Variants in THSD7A observed in about 807,000 individuals in gnomAD.
THSD7A encodes the protein thrombospondin type-1 domain-containing protein 7A.
Under a neutral mutation model 231.3 loss-of-function variants are expected in THSD7A, and 96 were observed. That is an observed-to-expected ratio of 0.41 (90% CI 0.35 to 0.49). THSD7A has a LOEUF of 0.49. Ranked by LOEUF, THSD7A falls within the 20% of genes least tolerant of loss-of-function variation. The probability of loss-of-function intolerance (pLI) is 0.05; values close to 1 mark genes in which losing one functional copy is unlikely to be tolerated. For synonymous variants in THSD7A, 940 were observed against 743.3 expected (o/e 1.26, Z -4.30); for missense variants, 2,290 against 2,070.2 (o/e 1.11, Z -2.06).
At chr7:11,478,109 A>G (rs1487780937) in intron 7 of THSD7A, among the ~76,000 whole-genome samples, 7 of 152,050 alleles carry the variant, frequency 4.6e-5, no homozygotes, top group Non-Finnish European at 7.4e-5. Context: ...TATTTTGTCA[A>G]TTCCCTCTCA....
In THSD7A at chr7:11,541,916, G is replaced by A. The variant is rs981892417; in HGVS notation, c.1610-285C>T. On this transcript the variant is annotated intron_variant, in intron 5 of 27. Coordinates refer to ENST00000423059, the MANE Select transcript of THSD7A (RefSeq NM_015204.3). ...ATGTCATATAGTACCCATCTCCCTT[G>A]TAGGGCGTAGAGGAGTAGGGTGGGA... Among the ~76,000 whole-genome samples the A allele has an allele frequency of 1.6e-4, 23 of 143,994 alleles. 1 individual carries two copies. Among genetic ancestry groups the A allele is most frequent in the South Asian group, 2.3e-4 (1 of 4,334 alleles). The allele number at this position is 143,994 out of a possible 152,430, so 94.5% of individuals were successfully genotyped here.
At chr7:11,541,826 C>T (rs888705429) in intron 5 of THSD7A, among the ~76,000 whole-genome samples, 195 bp from the exon 6 acceptor site, 2 of 151,840 alleles carry the variant, frequency 1.3e-5, no homozygotes, top group African/African-American at 2.4e-5. Flanking sequence ...AGTGGATTAA[C>T]GAATGGAATG....
intron 1 of THSD7A, among the ~76,000 whole-genome samples, chr7:11,799,450 AC>A (rs1441085516): frequency 6.6e-6 from 1 of 152,224 alleles, no homozygotes; most frequent in Non-Finnish European, 1.5e-5. Flanking sequence ...TTACTTCAAA[AC>A]CACATTAGTA....
chr7:11,789,268 C>T (rs1245373844), intron 1 of THSD7A, among the ~76,000 whole-genome samples: 1 of 152,016 alleles, frequency 6.6e-6, no homozygotes, highest in Non-Finnish European at 1.5e-5. Flanking sequence ...GGCAATCAAC[C>T]TGTCATGTAG....
chr7:11,811,765 C>T (rs1784533442), intron 1 of THSD7A, among the ~76,000 whole-genome samples: 2 of 152,216 alleles, frequency 1.3e-5, no homozygotes, highest in South Asian at 2.1e-4. Flanking sequence ...AGCTTAGCTG[C>T]CTGTGGACAA....
At chr7:11,615,114 A>G (rs1038656115) in intron 2 of THSD7A, among the ~76,000 whole-genome samples, 1 of 152,150 alleles carries the variant, frequency 6.6e-6, no homozygotes, top group Non-Finnish European at 1.5e-5. Flanking sequence ...TGCAGACTAC[A>G]TATCTCTGGC....
In THSD7A at chr7:11,406,320, G is replaced by A. The variant is rs747390116; in HGVS notation, c.4217C>T (p.Ser1406Phe). The A allele has an allele frequency of 3.1e-6, 5 of 1,609,944 alleles. No homozygotes were observed. Among genetic ancestry groups the A allele is most frequent in the Middle Eastern group, 1.7e-4 (1 of 6,044 alleles). The change falls in exon 22 of 28, where the codon TCC (serine) becomes TTC (phenylalanine). Residue 1406 changes from serine (S) to phenylalanine (F), a missense_variant. Physicochemically the swap from Ser to Phe is radical, Grantham distance 155 (BLOSUM62 -2). Coordinates refer to ENST00000423059, the MANE Select transcript of THSD7A (RefSeq NM_015204.3). The surrounding 1 kb of genome is among the most constrained non-coding windows in gnomAD (Gnocchi z 4.7). ...GTTACCTGGGCAAGGCTGGCTGCAG[G>A]ATTCCTCCAGAACCATATTTTTATT... The part of the protein sequence containing the change: ...DGNKNMVLEE[S>F]CSQPCPGDCY...
intron 2 of THSD7A, among the ~76,000 whole-genome samples, chr7:11,605,624 A>G (rs1223769258): frequency 1.3e-5 from 2 of 152,176 alleles, no homozygotes; most frequent in African/African-American, 4.8e-5. Flanking sequence ...TAACATTTAC[A>G]CTTAATCTTC....
intron 6 of THSD7A, among the ~76,000 whole-genome samples, chr7:11,508,419 C>CA (rs1787649733): frequency 6.7e-6 from 1 of 150,310 alleles, no homozygotes; most frequent in East Asian, 2.0e-4. Flanking sequence ...AAAGGCAAAG[C>CA]AAAAACAAAA....
intron 1 of THSD7A, among the ~76,000 whole-genome samples, chr7:11,768,502 T>C (rs1400099174): frequency 6.6e-6 from 1 of 152,180 alleles, no homozygotes; most frequent in Admixed American, 6.5e-5. Context: ...AAAGCCTCTT[T>C]ACAGGTTTTT....
chr7:11,779,047 G>A (rs997835598), intron 1 of THSD7A, among the ~76,000 whole-genome samples: 7 of 151,912 alleles, frequency 4.6e-5, no homozygotes, highest in Admixed American at 1.3e-4. Flanking sequence ...GATTTCCTAG[G>A]TTAAGTCTCT....
At chr7:11,604,787 G>T (rs148864657) in intron 2 of THSD7A, among the ~76,000 whole-genome samples, 254 of 152,174 alleles carry the variant, frequency 1.7e-3, no homozygotes, top group South Asian at 3.3e-3. Context: ...GACTTGATGT[G>T]GATATATCCA....
At chr7:11,697,466 G>T (rs1263254838) in intron 1 of THSD7A, among the ~76,000 whole-genome samples, 2 of 151,216 alleles carry the variant, frequency 1.3e-5, no homozygotes, top group Non-Finnish European at 3.0e-5. Flanking sequence ...AATTTTATGT[G>T]CTACATAGTA....
rs538375896 is a variant in THSD7A, at chr7:11,386,313, A to G, written c.4412-3697T>C. Among the ~76,000 whole-genome samples, 5 of 152,332 alleles carry G rather than the reference A, an allele frequency of 3.3e-5. No homozygotes were observed. In the East Asian group the frequency reaches 9.6e-4, roughly 29 times the overall value. On this transcript the variant is annotated intron_variant, in intron 23 of 27. Coordinates refer to ENST00000423059, the MANE Select transcript of THSD7A (RefSeq NM_015204.3). ...CCACACTATCTTCCACAATGGTTGA[A>G]CTAATTGATACTTCCACCAACAGTG... is the stretch of plus-strand genomic sequence containing the variant.
intron 11 of THSD7A, among the ~76,000 whole-genome samples, chr7:11,459,021 C>T (rs1785405476): frequency 6.6e-6 from 1 of 152,248 alleles, no homozygotes; most frequent in East Asian, 1.9e-4. Flanking sequence ...GGAACTGAGG[C>T]TGTTTTCACA....
intron 1 of THSD7A, among the ~76,000 whole-genome samples, chr7:11,681,881 G>T (rs1261200257): frequency 6.6e-6 from 1 of 151,400 alleles, no homozygotes; most frequent in Admixed American, 6.6e-5. Flanking sequence ...TACCTATAAA[G>T]GGCATCACAT....
Position 11,508,364 on chromosome 7 carries a change from A to G in THSD7A, c.1823-26382T>C, listed in dbSNP as rs1022045559. 7.2e-5 allele frequency among the ~76,000 whole-genome samples: 11 copies of G among 152,196 alleles called. No individual in the cohort carries two copies. The East Asian group carries it at 1.7e-3, about 24-fold the overall frequency. On this transcript the variant is annotated intron_variant, in intron 6 of 27. Coordinates refer to ENST00000423059, the MANE Select transcript of THSD7A (RefSeq NM_015204.3). Reference sequence around the variant, plus strand: ...TCAGGTAAATGCATATAAAACCACAATGAGATACCACTTCATACCTGTCAG... The same window carrying G: ...TCAGGTAAATGCATATAAAACCACAGTGAGATACCACTTCATACCTGTCAG...
At chr7:11,415,544 CGA>C (rs1783931429) in intron 17 of THSD7A, among the ~76,000 whole-genome samples, 1 of 152,102 alleles carries the variant, frequency 6.6e-6, no homozygotes, top group Non-Finnish European at 1.5e-5. Context: ...TTCCACCTAC[CGA>C]GAGATGCCTG....
intron 4 of THSD7A, among the ~76,000 whole-genome samples, chr7:11,546,293 T>C (rs1045537511): frequency 2.0e-5 from 3 of 151,804 alleles, no homozygotes; most frequent in African/African-American, 4.8e-5. Context: ...GTGGACCCCA[T>C]TGTCACCACC....
Sources: allele counts gnomAD v4.1 joint callset (sites outside exome capture counted in the v4.1 genomes callset), GRCh38; gene constraint gnomAD v4.1.1; non-coding constraint Gnocchi (gnomAD v3.1); transcripts MANE v1.5; gene names NCBI Gene and HGNC (gene_info 2026-07-23, HGNC 2026-07-21).